Variants in LRP1B observed in about 807,000 individuals in gnomAD.
The protein encoded by LRP1B is low-density lipoprotein receptor-related protein 1B.
A neutral mutation model predicts 556.6 loss-of-function variants in LRP1B; 217 were observed. The observed-to-expected ratio is 0.39, with a 90% CI of 0.35 to 0.44. The LOEUF is 0.44. Ranked by LOEUF, LRP1B falls within the 20% of genes least tolerant of loss-of-function variation. The probability of loss-of-function intolerance (pLI) is 1.00; values close to 1 mark genes in which losing one functional copy is unlikely to be tolerated. For missense variants in LRP1B, 5,053 were observed against 5,620.8 expected, an observed-to-expected ratio of 0.90 and a Z score of 3.23; for synonymous variants, 2,047 against 1,865.8, an observed-to-expected ratio of 1.10 and a Z score of -2.50.
At chr2:141,787,651 G>T (rs971064099) in intron 2 of LRP1B, among the ~76,000 whole-genome samples, 1 of 151,348 alleles carries the variant, frequency 6.6e-6, no homozygotes, top group Admixed American at 6.6e-5. Flanking sequence ...TCTAACTCTT[G>T]ATTTACTTGA....
chr2:142,035,908 G>A (rs1703860924), intron 1 of LRP1B, among the ~76,000 whole-genome samples: 1 of 151,712 alleles, frequency 6.6e-6, no homozygotes, highest in Non-Finnish European at 1.5e-5. Context: ...CTATTCTCGT[G>A]ATAGTGAATA....
chr2:141,315,568 T>A (rs1468597650), intron 3 of LRP1B, among the ~76,000 whole-genome samples: 1 of 151,972 alleles, frequency 6.6e-6, no homozygotes. Flanking sequence ...CGAATGATTG[T>A]ATTTTATAAA....
intron 23 of LRP1B, among the ~76,000 whole-genome samples, chr2:140,888,960 C>CAAAA (rs35546727): frequency 1.3e-5 from 1 of 78,038 alleles, no homozygotes; most frequent in African/African-American, 4.5e-5. Context: ...GAGTCTGTCT[C>CAAAA]AAAAAAAAAA....
intron 15 of LRP1B, among the ~76,000 whole-genome samples, chr2:141,003,143 G>T (rs1275636369): frequency 3.3e-5 from 5 of 151,856 alleles, no homozygotes; most frequent in Non-Finnish European, 5.9e-5. Context: ...AATGGTAACA[G>T]AAACAGACAA....
intron 2 of LRP1B, among the ~76,000 whole-genome samples, chr2:141,666,377 G>T (rs1324714861): frequency 6.6e-6 from 1 of 152,094 alleles, no homozygotes; most frequent in Non-Finnish European, 1.5e-5. Context: ...TTTTTGCCTG[G>T]CTGTTCCATG....
intron 7 of LRP1B, among the ~76,000 whole-genome samples, chr2:141,112,070 A>T (rs200445174): frequency 3.9e-4 from 13 of 33,416 alleles, no homozygotes; most frequent in Middle Eastern, 0.037. Context: ...AAATAAATAA[A>T]TAATAAATAA....
chr2:141,276,982 T>G (rs755253162), intron 3 of LRP1B, among the ~76,000 whole-genome samples: 10 of 152,178 alleles, frequency 6.6e-5, no homozygotes, highest in African/African-American at 2.4e-4. Context: ...TTTATGGATA[T>G]GTATACATAG....
At chr2:140,854,499 A>C (rs191058976) in intron 27 of LRP1B, among the ~76,000 whole-genome samples, 2 of 152,278 alleles carry the variant, frequency 1.3e-5, no homozygotes, top group South Asian at 4.1e-4. Context: ...GGATTTAACA[A>C]TATTATTTCA....
intron 2 of LRP1B, among the ~76,000 whole-genome samples, chr2:141,488,780 G>A (rs959443043): frequency 1.3e-5 from 2 of 151,902 alleles, no homozygotes; most frequent in Non-Finnish European, 2.9e-5. Context: ...TTATTCCTGT[G>A]AAATCTTTCT....
intron 66 of LRP1B, among the ~76,000 whole-genome samples, chr2:140,402,915 A>G (rs1684570681): frequency 6.6e-6 from 1 of 152,164 alleles, no homozygotes; most frequent in Non-Finnish European, 1.5e-5. Flanking sequence ...GCTTCAAGAG[A>G]CCTCTGCCAT....
intron 3 of LRP1B, among the ~76,000 whole-genome samples, chr2:141,321,460 A>G (rs748318365): frequency 1.3e-5 from 2 of 152,142 alleles, no homozygotes; most frequent in Non-Finnish European, 2.9e-5. Context: ...AGGTTGTCTC[A>G]AGAAAGAATA....
intron 1 of LRP1B, among the ~76,000 whole-genome samples, chr2:141,964,197 C>A (rs1457649608): frequency 6.7e-6 from 1 of 150,258 alleles, no homozygotes; most frequent in Non-Finnish European, 1.5e-5. Flanking sequence ...TCAATGCCAT[C>A]CCCATCAAGC....
At chr2:140,728,313 G>A (rs570837165) in intron 35 of LRP1B, among the ~76,000 whole-genome samples, 1 of 152,258 alleles carries the variant, frequency 6.6e-6, no homozygotes, top group South Asian at 2.1e-4. Context: ...CAGCCCTATT[G>A]TGGCTAATTT....
chr2:141,239,105 T>C (rs762037885), intron 5 of LRP1B, among the ~76,000 whole-genome samples: 3 of 152,074 alleles, frequency 2.0e-5, no homozygotes, highest in Non-Finnish European at 4.4e-5. Context: ...CGCTGAATCA[T>C]GCCAAAAGTA....
chr2:142,115,670 TGTAATA>T lies in LRP1B; in HGVS notation c.82+14972_82+14977del, dbSNP rs1559080170. 2.0e-3 allele frequency among the ~76,000 whole-genome samples: 16 copies of T among 7,834 alleles called. 6 individuals are homozygous for T. Among genetic ancestry groups the T allele is most frequent in the African/African-American group, 6.2e-3 (16 of 2,586 alleles). 5.1% of individuals were successfully genotyped at this position (7,834 alleles called of 152,430 possible). A position where few individuals can be genotyped will look rare whatever the true frequency, so the allele number is the denominator to read the frequency against. ...ATATATATTATATGTAATATATATATGTAATATATATATAATATATATGTAATATAT... is the reference window on the plus strand; with the variant it reads ...ATATATATTATATGTAATATATATATTATATATAATATATATGTAATATAT... On this transcript the variant is annotated intron_variant, in intron 1 of 90. Transcript: ENST00000389484.
At chr2:140,831,736 T>C (rs1485960787) in intron 31 of LRP1B, among the ~76,000 whole-genome samples, 2 of 152,020 alleles carry the variant, frequency 1.3e-5, no homozygotes, top group Non-Finnish European at 1.5e-5. Context: ...GAAGAACAAA[T>C]CTACAGAATG....
intron 43 of LRP1B, among the ~76,000 whole-genome samples, chr2:140,578,042 A>C (rs1042341407): frequency 6.6e-6 from 1 of 152,200 alleles, no homozygotes; most frequent in Non-Finnish European, 1.5e-5. Flanking sequence ...TAAAAATATA[A>C]AGTCACATCA....
intron 84 of LRP1B, among the ~76,000 whole-genome samples, chr2:140,289,183 T>G (rs1683276166): frequency 6.6e-6 from 1 of 152,010 alleles, no homozygotes; most frequent in African/African-American, 2.4e-5. Flanking sequence ...TTTAATTTTA[T>G]AAACATGCTG....
intron 41 of LRP1B, among the ~76,000 whole-genome samples, chr2:140,676,807 G>A (rs1262024820): frequency 6.6e-6 from 1 of 152,138 alleles, no homozygotes; most frequent in Non-Finnish European, 1.5e-5. Flanking sequence ...ATTTTAAGAT[G>A]TGAAAGTTCA....
Sources: gnomAD v4.1 joint callset for allele counts (sites outside exome capture counted in the v4.1 genomes callset) on GRCh38, gnomAD v4.1.1 for gene constraint, MANE v1.5 for transcripts, NCBI Gene and HGNC (gene_info 2026-07-23, HGNC 2026-07-21) for gene names.